The following IFT52 variants were observed in gnomAD, a reference collection of about 807,000 sequenced individuals.
IFT52 encodes intraflagellar transport protein 52 homolog.
IFT52 carries 44 observed loss-of-function variants against 54.4 expected under a neutral mutation model. The ratio of observed to expected loss-of-function variants is 0.81; its 90% CI spans 0.63 to 1.04. The LOEUF is 1.04. IFT52 is among the 50% of genes least tolerant of loss of function. The probability of loss-of-function intolerance (pLI) is 0.00; values close to 1 mark genes in which losing one functional copy is unlikely to be tolerated. For missense variants in IFT52, 452 were observed against 523.6 expected (o/e 0.86, Z 1.33); for synonymous variants, 181 against 185.3 (o/e 0.98, Z 0.19).
At chr20:43,610,307 A>T (rs1340471981) in intron 6 of IFT52, among the ~76,000 whole-genome samples, 3 of 66,878 alleles carry the variant, frequency 4.5e-5, no homozygotes, top group Non-Finnish European at 1.1e-4. Context: ...AAAAAAAAAA[A>T]ACCTTAAAAA....
intron 6 of IFT52, chr20:43,605,331 G>C: frequency 1.4e-6 from 1 of 725,092 alleles, no homozygotes; most frequent in Non-Finnish European, 1.9e-6. Context: ...TGGCCCACCT[G>C]AGGTCAGGAG....
chr20:43,618,761 G>A (rs1390775040), intron 7 of IFT52, among the ~76,000 whole-genome samples, 179 bp from the exon 8 acceptor site: 5 of 152,144 alleles, frequency 3.3e-5, no homozygotes, highest in Non-Finnish European at 7.3e-5. Context: ...TGGGATTACA[G>A]GCTGATCCAC....
chr20:43,615,553 C>T (rs1472362126), intron 7 of IFT52, among the ~76,000 whole-genome samples: 1 of 151,790 alleles, frequency 6.6e-6, no homozygotes, highest in African/African-American at 2.4e-5. Flanking sequence ...CCTGCAATCC[C>T]AGCACTTTGG....
At chr20:43,593,809 C>T (rs1981716700) in intron 1 of IFT52, among the ~76,000 whole-genome samples, 1 of 152,050 alleles carries the variant, frequency 6.6e-6, no homozygotes, top group Non-Finnish European at 1.5e-5. Flanking sequence ...AGCGATCCTC[C>T]CACCTCAGCC....
rs563475252 is a variant in IFT52, at chr20:43,636,125, G to A, written c.1011+112G>A. 22 of 923,596 alleles carry A rather than the reference G, an allele frequency of 2.4e-5. 1 individual carries two copies. The East Asian group carries it at 4.8e-4, about 20-fold the overall frequency. The allele number at this position is 923,596 out of a possible 1,614,324, so 57.2% of individuals were successfully genotyped here. On this transcript the variant is annotated intron_variant, in intron 11 of 13. Coordinates refer to ENST00000373030, the MANE Select transcript of IFT52 (RefSeq NM_016004.5). ...TGTGCCATTTGTGGCACTCCTTGTG[G>A]AGTCATAGTGCTCTGTCTCTAAACA...
chr20:43,629,564 G>T (rs2145654556), intron 10 of IFT52, among the ~76,000 whole-genome samples: 1 of 152,308 alleles, frequency 6.6e-6, no homozygotes, highest in South Asian at 2.1e-4. Flanking sequence ...CAGCCACCGA[G>T]CCCGGCCCCA....
chr20:43,608,571 A>G (rs1253799114), intron 6 of IFT52, among the ~76,000 whole-genome samples: 1 of 152,160 alleles, frequency 6.6e-6, no homozygotes, highest in Non-Finnish European at 1.5e-5. Flanking sequence ...AAAAATTGAC[A>G]TTCTTATGTA....
At chr20:43,600,650 G>A (rs946888606) in intron 3 of IFT52, among the ~76,000 whole-genome samples, 6 of 152,076 alleles carry the variant, frequency 3.9e-5, no homozygotes, top group Admixed American at 6.6e-5. Flanking sequence ...ATGTTAAATC[G>A]TGCAAAAAAT....
chr20:43,646,141 G>A (rs779473217), intron 13 of IFT52, among the ~76,000 whole-genome samples: 21 of 151,428 alleles, frequency 1.4e-4, no homozygotes, highest in Non-Finnish European at 2.6e-4. Context: ...AACCTGGGAG[G>A]CAGAGCTTGC....
At chr20:43,619,641 G>A (rs1361107622) in intron 8 of IFT52, among the ~76,000 whole-genome samples, 3 of 151,950 alleles carry the variant, frequency 2.0e-5, no homozygotes, top group Non-Finnish European at 4.4e-5. Flanking sequence ...GCTCTGTAGA[G>A]GACTACTCAC....
chr20:43,627,742 T>C (rs1027886672), intron 10 of IFT52, among the ~76,000 whole-genome samples: 4 of 152,044 alleles, frequency 2.6e-5, no homozygotes, highest in Non-Finnish European at 5.9e-5. Flanking sequence ...TTAGCTCTTT[T>C]TCTTTTTTTT....
intron 10 of IFT52, among the ~76,000 whole-genome samples, chr20:43,628,465 T>G (rs1984911102): frequency 6.6e-6 from 1 of 152,136 alleles, no homozygotes; most frequent in Admixed American, 6.5e-5. Flanking sequence ...GGGTGCAGAC[T>G]CTGGTGGATG....
rs184371771 is a variant in IFT52, at chr20:43,606,732, A to G, written c.485+1659A>G. 1.2e-4 allele frequency among the ~76,000 whole-genome samples: 19 copies of G among 152,256 alleles called. No homozygotes were observed. The East Asian group carries it at 1.7e-3, about 14-fold the overall frequency. On this transcript the variant is annotated intron_variant, in intron 6 of 13. Coordinates refer to ENST00000373030, the MANE Select transcript of IFT52 (RefSeq NM_016004.5). ...GGTTTTCCTAGGCAGAGGACCCTGC[A>G]GCCTTCCGCAGTGTTTGTGTCCCTG...
chr20:43,646,596 G>GGGAGGTCAGGTAGGTTCCCAGCA (rs1428569345), intron 13 of IFT52, among the ~76,000 whole-genome samples: 1 of 152,138 alleles, frequency 6.6e-6, no homozygotes, highest in Non-Finnish European at 1.5e-5. Context: ...ATGATGGGAT[G>GGGAGGTCAGGTAGGTTCCCAGCA]GGAGGTCAGG....
At chr20:43,630,613 A>G (rs184658886) in intron 10 of IFT52, among the ~76,000 whole-genome samples, 3 of 152,294 alleles carry the variant, frequency 2.0e-5, no homozygotes, top group African/African-American at 7.2e-5. Context: ...GGTGTTTATC[A>G]ATGCCTGTGG....
chr20:43,603,831 C>T lies in IFT52; in HGVS notation c.279C>T (p.Ser93=). 1 of 1,571,756 alleles carries T rather than the reference C, an allele frequency of 6.4e-7. No homozygotes were observed. Among genetic ancestry groups the T allele is most frequent in the Non-Finnish European group, 8.7e-7 (1 of 1,144,160 alleles). ...VFVMLGEGGE[S]RFDTNINFLL... is the part of the protein sequence containing the mutation. ...TGATGCTAGGAGAAGGTGGAGAATC[C>T]AGATTTGACACCAATATTAACTTTT... The change falls in exon 4 of 14, where the codon TCC becomes TCT. Residue 93 remains serine (S), a synonymous_variant. Coordinates refer to ENST00000373030, the MANE Select transcript of IFT52 (RefSeq NM_016004.5).
intron 6 of IFT52, among the ~76,000 whole-genome samples, chr20:43,609,500 G>A (rs183573241): frequency 6.6e-5 from 10 of 152,004 alleles, no homozygotes; most frequent in African/African-American, 1.9e-4. Context: ...TGCCGGACGC[G>A]GTGGCTCACG....
chr20:43,604,109 A>G (rs954439576), intron 4 of IFT52, 74 bp from the exon 5 acceptor site: 24 of 1,290,486 alleles, frequency 1.9e-5, no homozygotes, highest in Non-Finnish European at 2.7e-5. Context: ...CCTTCAGGTC[A>G]AAATTGGTAT....
At chr20:43,622,446 A>C (rs1274264317) in intron 9 of IFT52, among the ~76,000 whole-genome samples, 1 of 151,608 alleles carries the variant, frequency 6.6e-6, no homozygotes, top group Non-Finnish European at 1.5e-5. Context: ...AAAATACAAA[A>C]AAAAAAATTA....
Sources: allele counts gnomAD v4.1 joint callset (sites outside exome capture counted in the v4.1 genomes callset), GRCh38; gene constraint gnomAD v4.1.1; transcripts MANE v1.5; gene names NCBI Gene and HGNC (gene_info 2026-07-23, HGNC 2026-07-21).